Variants in LPP observed in about 807,000 individuals in gnomAD.
LPP encodes lipoma-preferred partner.
LPP carries 38 observed loss-of-function variants against 60.4 expected under a neutral mutation model. That is an observed-to-expected ratio of 0.63 (90% CI 0.49 to 0.83). LPP has a LOEUF of 0.83. LPP is among the 40% of genes least tolerant of loss of function. The pLI, the probability that LPP is intolerant of heterozygous loss-of-function variation, is 0.00. For missense variants in LPP, 902 were observed against 783.6 expected (o/e 1.15, Z -1.80); for synonymous variants, 328 against 290.8 (o/e 1.13, Z -1.30).
chr3:188,299,023 C>T (rs552860857), intron 2 of LPP, among the ~76,000 whole-genome samples: 1 of 152,218 alleles, frequency 6.6e-6, no homozygotes, highest in African/African-American at 2.4e-5. Flanking sequence ...CACACTCTCT[C>T]TCTAACTTAT....
In LPP at chr3:188,723,827, C is replaced by G. The variant is rs535365039; in HGVS notation, c.1240+15434C>G. Among the ~76,000 whole-genome samples the G allele has an allele frequency of 4.1e-3, 621 of 152,134 alleles. 6 individuals are homozygous for G. The highest frequency in any genetic ancestry group is 6.1e-3 in the Non-Finnish European group (414 of 67,974). Reference sequence around the variant, plus strand: ...TTACTATTGTATTTGATTCATAACTCTTATGATCTTTATTTTCCTCATGTG... The same window carrying G: ...TTACTATTGTATTTGATTCATAACTGTTATGATCTTTATTTTCCTCATGTG... On this transcript the variant is annotated intron_variant, in intron 8 of 11. Transcript: ENST00000617246.
chr3:188,631,896 A>G (rs1039697434), intron 7 of LPP, among the ~76,000 whole-genome samples: 2 of 151,974 alleles, frequency 1.3e-5, no homozygotes, highest in Non-Finnish European at 2.9e-5. Context: ...ACCTTTCTTA[A>G]CCAATCTCAA....
At chr3:188,725,092 A>G (rs1717876390) in intron 8 of LPP, among the ~76,000 whole-genome samples, 1 of 152,176 alleles carries the variant, frequency 6.6e-6, no homozygotes, top group Non-Finnish European at 1.5e-5. Context: ...TGATTCTTCG[A>G]CTTAGTTCCC....
chr3:188,363,905 CAAAAAAAAAA>C (rs541715135), intron 3 of LPP, among the ~76,000 whole-genome samples: 1 of 96,900 alleles, frequency 1.0e-5, no homozygotes. Context: ...AACTCCCTCC[CAAAAAAAAAA>C]AAAAAAAAAA....
chr3:188,794,823 A>G (rs1339235579), intron 9 of LPP, among the ~76,000 whole-genome samples: 1 of 152,100 alleles, frequency 6.6e-6, no homozygotes, highest in Non-Finnish European at 1.5e-5. Flanking sequence ...AGCAGTAGGA[A>G]TGGGTAGCTA....
chr3:188,197,396 G>A (rs1289372154), intron 1 of LPP, among the ~76,000 whole-genome samples: 3 of 152,144 alleles, frequency 2.0e-5, no homozygotes, highest in African/African-American at 7.2e-5. Flanking sequence ...CCTGAGCTGG[G>A]TTATATAACT....
At chr3:188,651,813 A>C (rs934842541) in intron 7 of LPP, among the ~76,000 whole-genome samples, 1 of 152,056 alleles carries the variant, frequency 6.6e-6, no homozygotes, top group African/African-American at 2.4e-5. Context: ...TGGGAATTAA[A>C]GATGAGATTT....
At chr3:188,593,261 T>C (rs931942404) in intron 6 of LPP, among the ~76,000 whole-genome samples, 3 of 151,956 alleles carry the variant, frequency 2.0e-5, no homozygotes, top group African/African-American at 7.3e-5. Flanking sequence ...CCTTTATTTC[T>C]ATAATTCCAA....
chr3:188,667,187 G>A lies in LPP; in HGVS notation c.1114-41080G>A, dbSNP rs543333897. 2.6e-5 allele frequency among the ~76,000 whole-genome samples: 4 copies of A among 152,130 alleles called. No homozygotes were observed. In the East Asian group the frequency reaches 5.8e-4, roughly 22 times the overall value. On this transcript the variant is annotated intron_variant, in intron 7 of 11. Coordinates refer to ENST00000617246, the MANE Select transcript of LPP (RefSeq NM_001375462.1). ...GAAGGATGTGAGTCCTAAAATCTTC[G>A]GTAGGAGTTGGCTGGGCGCAATGGC... is the stretch of plus-strand genomic sequence containing the variant.
chr3:188,344,640 C>A (rs1383289861), intron 3 of LPP, among the ~76,000 whole-genome samples: 2 of 152,170 alleles, frequency 1.3e-5, no homozygotes, highest in African/African-American at 4.8e-5. Context: ...ATAGGACAGT[C>A]CTATGACTCT....
chr3:188,597,302 A>G (rs1044706302), intron 6 of LPP, among the ~76,000 whole-genome samples: 2 of 152,114 alleles, frequency 1.3e-5, no homozygotes, highest in Admixed American at 1.3e-4. Context: ...CTCTGTTAAA[A>G]ATTATTCCCC....
chr3:188,717,572 G>A (rs1054897331), intron 8 of LPP, among the ~76,000 whole-genome samples: 9 of 152,126 alleles, frequency 5.9e-5, no homozygotes, highest in Admixed American at 5.9e-4. Context: ...TGATTTGGGG[G>A]GAAAAATGGG....
At chr3:188,291,949 G>A (rs975417733) in intron 2 of LPP, among the ~76,000 whole-genome samples, 8 of 152,130 alleles carry the variant, frequency 5.3e-5, no homozygotes, top group Non-Finnish European at 1.0e-4. Context: ...ACCAAGTACT[G>A]TCAGATTATA....
At chr3:188,780,901 C>T (rs1739428931) in intron 9 of LPP, among the ~76,000 whole-genome samples, 1 of 152,200 alleles carries the variant, frequency 6.6e-6, no homozygotes, top group Non-Finnish European at 1.5e-5. Context: ...ATGGAGGAGA[C>T]ACTTTCAGCT....
chr3:188,305,022 A>T lies in LPP; in HGVS notation c.-66-36641A>T, dbSNP rs536694786. ...GACTGATACATTTCCTAGCTTGCACATTTCTCTCAATTGCCAGGACTTTTT... is the reference window on the plus strand; with the variant it reads ...GACTGATACATTTCCTAGCTTGCACTTTTCTCTCAATTGCCAGGACTTTTT... On this transcript the variant is annotated intron_variant, in intron 2 of 11. Coordinates refer to ENST00000617246, the MANE Select transcript of LPP (RefSeq NM_001375462.1). 2.4e-4 allele frequency among the ~76,000 whole-genome samples: 37 copies of T among 152,250 alleles called. No homozygotes were observed. The South Asian group carries it at 7.5e-3, about 31-fold the overall frequency.
intron 1 of LPP, among the ~76,000 whole-genome samples, chr3:188,204,634 GT>G (rs1273379618): frequency 6.6e-6 from 1 of 152,174 alleles, no homozygotes; most frequent in African/African-American, 2.4e-5. Context: ...AGGTAGGATT[GT>G]TTTCGTTCCT....
chr3:188,203,560 TATATAA>T (rs1369147189), intron 1 of LPP, among the ~76,000 whole-genome samples: 1 of 104,264 alleles, frequency 9.6e-6, no homozygotes, highest in African/African-American at 3.8e-5. Flanking sequence ...TTTTTAAATA[TATATAA>T]ATATATATTT....
At chr3:188,843,207 C>T (rs1283964837) in intron 9 of LPP, among the ~76,000 whole-genome samples, 1 of 152,136 alleles carries the variant, frequency 6.6e-6, no homozygotes, top group African/African-American at 2.4e-5. Flanking sequence ...CTAAGGGCCT[C>T]AGGGTATTTG....
At chr3:188,415,733 A>G (rs2148973586) in intron 4 of LPP, among the ~76,000 whole-genome samples, 1 of 148,468 alleles carries the variant, frequency 6.7e-6, no homozygotes, top group East Asian at 2.0e-4. Flanking sequence ...TCTAGAGATA[A>G]AGGACATATT....
Sources: allele counts gnomAD v4.1 joint callset (sites outside exome capture counted in the v4.1 genomes callset), GRCh38; gene constraint gnomAD v4.1.1; transcripts MANE v1.5; gene names NCBI Gene and HGNC (gene_info 2026-07-23, HGNC 2026-07-21).